The following TRPV6 variants were observed in gnomAD, a reference collection of about 807,000 sequenced individuals.
TRPV6 encodes transient receptor potential cation channel subfamily V member 6, also known as Alu-binding protein with zinc finger domain.
Under a neutral mutation model 79.0 loss-of-function variants are expected in TRPV6, and 39 were observed. The ratio of observed to expected loss-of-function variants is 0.49; its 90% CI spans 0.38 to 0.64. The LOEUF (loss-of-function observed/expected upper bound fraction) is 0.64. Among genes scored for constraint, TRPV6 ranks in the 30% least tolerant of loss-of-function variants. The pLI, the probability that TRPV6 is intolerant of heterozygous loss-of-function variation, is 0.00. For missense variants in TRPV6, 813 were observed against 1,011.1 expected (o/e 0.80, Z 2.66); for synonymous variants, 373 against 391.9 (o/e 0.95, Z 0.57).
In TRPV6 at chr7:142,885,562, C is replaced by G; in HGVS notation, c.75G>C (p.Arg25Ser). The change falls in exon 1 of 15, where the codon AGG (arginine) becomes AGC (serine). Residue 25 changes from arginine (R) to serine (S), a missense_variant. Transcript: ENST00000359396. ...TGGGGGCCTGAGGCCGAGGCCAGACCCTGACGGGACTCAGCCTTGGGGCCA... is the reference window on the plus strand; with the variant it reads ...TGGGGGCCTGAGGCCGAGGCCAGACGCTGACGGGACTCAGCCTTGGGGCCA... The G allele has an allele frequency of 1.9e-6, 3 of 1,556,692 alleles. No homozygotes were observed. Among genetic ancestry groups the G allele is most frequent in the Non-Finnish European group, 2.6e-6 (3 of 1,149,890 alleles).
rs201454683 is a variant in TRPV6, at chr7:142,876,497, G to A, written c.793C>T (p.His265Tyr). The change falls in exon 6 of 15, where the codon CAT becomes TAT. Residue 265 changes from histidine (H) to tyrosine (Y), a missense_variant. His to Tyr is a moderately conservative substitution (Grantham distance 83, BLOSUM62 2). Transcript: ENST00000359396. ...TCCAGGGGCTGCAGGTGGTCCCCAT[G>A]TCTGTCGTAGGACAGCAACAGGTTG... The A allele has an allele frequency of 1.2e-6, 2 of 1,614,188 alleles. No homozygotes were observed. Among genetic ancestry groups the A allele is most frequent in the Admixed American group, 1.7e-5 (1 of 60,030 alleles).
Position 142,885,599 on chromosome 7 carries a change from C to A in TRPV6, c.38G>T (p.Gly13Val), listed in dbSNP as rs768776086. Residue 13 changes from glycine to valine, a missense_variant, in exon 1 of 15, where the codon GGG (glycine) becomes GTG (valine). Around this residue, in one of 3 missense-constraint regions of TRPV6, gnomAD observed 555 missense variants for 631.0 expected, o/e 0.88. Coordinates refer to ENST00000359396, the MANE Select transcript of TRPV6 (RefSeq NM_018646.6). ...CAGCCTTGGGGCCACATCAGCCCCC[C>A]CAAGGGCCGGCCCACCGTCTCCCTG... The A allele has an allele frequency of 3.9e-5, 58 of 1,490,786 alleles. No homozygotes were observed. Among genetic ancestry groups the A allele is most frequent in the Non-Finnish European group, 4.5e-5 (50 of 1,118,374 alleles). The allele number at this position is 1,490,786 out of a possible 1,614,324, so 92.3% of individuals were successfully genotyped here. A position where few individuals can be genotyped will look rare whatever the true frequency, so the allele number is the denominator to read the frequency against.
chr7:142,874,729 C>A, intron 10 of TRPV6, 73 bp from the exon 11 acceptor site: 1 of 1,574,994 alleles, frequency 6.3e-7, no homozygotes, highest in South Asian at 1.1e-5. Flanking sequence ...AAGAATGTAG[C>A]TGGGAAAGTA....
intron 3 of TRPV6, 95 bp downstream of exon 3, chr7:142,877,556 C>T (rs903037880): frequency 3.2e-5 from 50 of 1,539,318 alleles, no homozygotes; most frequent in Non-Finnish European, 4.2e-5. Flanking sequence ...AGGCTCAGAT[C>T]CCCTGTGTCT....
At chr7:142,882,788 A>G (rs1795220692) in intron 1 of TRPV6, 2 of 152,212 alleles carry the variant, frequency 1.3e-5, no homozygotes, top group African/African-American at 4.8e-5. Context: ...ATGACTTTTC[A>G]GACACTCAAT....
intron 2 of TRPV6, 68 bp from the exon 3 acceptor site, chr7:142,877,841 A>G: frequency 1.9e-6 from 3 of 1,612,968 alleles, no homozygotes; most frequent in Non-Finnish European, 2.5e-6. Context: ...ATAGATTCAG[A>G]GGCCAACAGC....
intron 1 of TRPV6, 179 bp from the exon 2 acceptor site, chr7:142,878,205 T>A: frequency 1.6e-6 from 1 of 609,344 alleles, no homozygotes; most frequent in Non-Finnish European, 2.9e-6. Context: ...AGTCAGTAAA[T>A]ACAATCAACT....
At chr7:142,884,705 A>C (rs1176298863) in intron 1 of TRPV6, 1 of 152,176 alleles carries the variant, frequency 6.6e-6, no homozygotes, top group Admixed American at 6.5e-5. Flanking sequence ...GCGGAAGAGC[A>C]CAGGTCCTCG....
Position 142,871,738 on chromosome 7 carries a change from T to G in TRPV6, c.2267A>C (p.Glu756Ala). Residue 756 changes from glutamate (E) to alanine (A), a missense_variant, in exon 15 of 15, where the codon GAG becomes GCG. Transcript: ENST00000359396. ...CTGATATTCCCAGCTCTCCCCGTCC[T>G]CCAGACCCCTGTTGATTATCCCACG... is the stretch of plus-strand genomic sequence containing the variant. 6.2e-7 allele frequency: 1 copy of G among 1,611,292 alleles called. No homozygotes were observed. Among genetic ancestry groups the G allele is most frequent in the Non-Finnish European group, 8.5e-7 (1 of 1,177,946 alleles).
Position 142,874,734 on chromosome 7 carries a change from A to G in TRPV6, c.1407-78T>C, listed in dbSNP as rs576108426. On this transcript the variant is annotated intron_variant, in intron 10 of 14. Coordinates refer to ENST00000359396, the MANE Select transcript of TRPV6 (RefSeq NM_018646.6). ...ACCTGACAGCAAGAATGTAGCTGGGAAAGTACCCACACATGCAGATTCAGC... is the reference window on the plus strand; with the variant it reads ...ACCTGACAGCAAGAATGTAGCTGGGGAAGTACCCACACATGCAGATTCAGC... The G allele has an allele frequency of 1.9e-6, 3 of 1,573,640 alleles. No individual in the cohort carries two copies. In the African/African-American group the frequency reaches 4.0e-5, roughly 21 times the overall value.
chr7:142,876,511 A>G lies in TRPV6; in HGVS notation c.779T>C (p.Leu260Pro). ...GTGGTCCCCATGTCTGTCGTAGGAC[A>G]GCAACAGGTTGTACATCTGGCAGGC... Residue 260 changes from leucine (L) to proline (P), a missense_variant, in exon 6 of 15, where the codon CTG (leucine) becomes CCG (proline). Physicochemically the swap from Leu to Pro is moderately conservative, Grantham distance 98. Transcript: ENST00000359396. 1.2e-6 allele frequency: 2 copies of G among 1,614,160 alleles called. No individual in the cohort carries two copies. Among genetic ancestry groups the G allele is most frequent in the Non-Finnish European group, 1.7e-6 (2 of 1,180,018 alleles).
rs970964752 is a variant in TRPV6, at chr7:142,874,608, G to A, written c.1455C>T (p.Ile485=). Residue 485 remains isoleucine, a synonymous_variant, in exon 11 of 15, where the codon ATC becomes ATT. Coordinates refer to ENST00000359396, the MANE Select transcript of TRPV6 (RefSeq NM_018646.6). ...TGGGTACCACCTCCCCGCTGGCACT[G>A]ATGAGCCGCATCACCATGGTCACCA... 5.0e-6 allele frequency: 8 copies of A among 1,614,018 alleles called. No individual in the cohort carries two copies. The African/African-American group carries it at 8.0e-5, about 16-fold the overall frequency.
intron 10 of TRPV6, 38 bp downstream of exon 10, chr7:142,874,866 T>C (rs541266268): frequency 1.9e-6 from 3 of 1,610,316 alleles, no homozygotes; most frequent in African/African-American, 2.7e-5. Flanking sequence ...TGGAGCCCTG[T>C]TGAGGGAAGG....
chr7:142,877,673 G>A lies in TRPV6; in HGVS notation c.447C>T (p.Pro149=). Residue 149 remains proline (P), a synonymous_variant, in exon 3 of 15, where the codon CCC becomes CCT. Transcript: ENST00000359396. ...CACCCTCATAGAGCTCAGATGTCAT[G>A]GGCTCAAAGACCAGCTCCGGGGCAG... 6.2e-7 allele frequency: 1 copy of A among 1,614,172 alleles called. No individual in the cohort carries two copies. Among genetic ancestry groups the A allele is most frequent in the Non-Finnish European group, 8.5e-7 (1 of 1,180,028 alleles).
intron 13 of TRPV6, among the ~76,000 whole-genome samples, chr7:142,872,742 C>T (rs4987676): frequency 0.022 from 3,308 of 152,216 alleles, 126 homozygotes; most frequent in African/African-American, 0.075. Context: ...GATATTTTGA[C>T]CCTACAGACA....
chr7:142,875,273 G>A, intron 8 of TRPV6, 109 bp from the exon 9 acceptor site: 1 of 1,392,278 alleles, frequency 7.2e-7, no homozygotes, highest in Non-Finnish European at 1.0e-6. Context: ...TAATCTGTTA[G>A]GTTTGGGTCT....
intron 6 of TRPV6, 128 bp downstream of exon 6, chr7:142,876,280 G>T: frequency 7.1e-7 from 1 of 1,401,972 alleles, no homozygotes; most frequent in South Asian, 1.4e-5. Flanking sequence ...GGGAGGGGTT[G>T]AAAAATTTCT....
chr7:142,877,384 G>A, intron 3 of TRPV6, 105 bp from the exon 4 acceptor site: 2 of 1,542,336 alleles, frequency 1.3e-6, no homozygotes, highest in South Asian at 2.5e-5. Context: ...GCCTGGGATG[G>A]AGAACAGGGA....
At chr7:142,877,876 G>A (rs1396729707) in intron 2 of TRPV6, 53 bp downstream of exon 2, 3 of 1,611,502 alleles carry the variant, frequency 1.9e-6, no homozygotes, top group Non-Finnish European at 2.5e-6. Flanking sequence ...ACTCCTGGGA[G>A]GCCCCATGTG....
Sources: gnomAD v4.1 joint callset for allele counts (sites outside exome capture counted in the v4.1 genomes callset) on GRCh38, gnomAD v4.1.1 for gene constraint, gnomAD v4.1.1 regional missense constraint, MANE v1.5 for transcripts, NCBI Gene and HGNC (gene_info 2026-07-23, HGNC 2026-07-21) for gene names.